Variants in EPHA6 observed in about 807,000 individuals in gnomAD.
EPHA6 encodes the protein EPH receptor A6, also known as ephrin type-A receptor 6.
In EPHA6, 50 loss-of-function variants were observed where a neutral mutation model predicts 112.0. The observed-to-expected ratio is 0.45, with a 90% CI of 0.36 to 0.56. The LOEUF (loss-of-function observed/expected upper bound fraction) is 0.56, where lower values mean the gene tolerates loss of function less well. Among genes scored for constraint, EPHA6 ranks in the 20% least tolerant of loss-of-function variants. EPHA6 has a pLI of 0.00. For synonymous variants in EPHA6, 529 were observed against 490.7 expected, an observed-to-expected ratio of 1.08 and a Z score of -1.03; for missense variants, 1,280 against 1,417.4, an observed-to-expected ratio of 0.90 and a Z score of 1.56.
At chr3:96,942,953 T>TA (rs1371074270) in intron 2 of EPHA6, among the ~76,000 whole-genome samples, 2 of 152,076 alleles carry the variant, frequency 1.3e-5, no homozygotes, top group Non-Finnish European at 2.9e-5. Flanking sequence ...CACCAGAACT[T>TA]ATTCCTCCTA....
At chr3:96,893,182 T>A (rs1458867656) in intron 2 of EPHA6, among the ~76,000 whole-genome samples, 2 of 152,202 alleles carry the variant, frequency 1.3e-5, no homozygotes, top group Admixed American at 1.3e-4. Flanking sequence ...GCTAGTCATA[T>A]AAAAGTATAG....
chr3:97,598,864 T>C (rs1485161794), intron 12 of EPHA6, among the ~76,000 whole-genome samples: 6 of 151,176 alleles, frequency 4.0e-5, no homozygotes, highest in Non-Finnish European at 5.9e-5. Flanking sequence ...ATGGTTGAAC[T>C]AGTTTACAGT....
intron 3 of EPHA6, among the ~76,000 whole-genome samples, chr3:97,193,911 C>G (rs1016745216): frequency 1.3e-5 from 2 of 151,872 alleles, no homozygotes; most frequent in African/African-American, 2.4e-5. Context: ...CGTTTTTTGT[C>G]TTTCATTCTG....
chr3:97,466,450 G>A, intron 7 of EPHA6: 1 of 1,543,764 alleles, frequency 6.5e-7, no homozygotes, highest in Non-Finnish European at 9.0e-7. Context: ...AAACTGTACT[G>A]GCTTAATGAA....
intron 6 of EPHA6, chr3:97,447,597 G>A (rs2090389135): frequency 5.8e-6 from 1 of 172,680 alleles, no homozygotes; most frequent in Non-Finnish European, 1.2e-5. Flanking sequence ...AACAGTGTAG[G>A]TTTAATTTGT....
At chr3:97,329,023 G>A (rs894861491) in intron 5 of EPHA6, among the ~76,000 whole-genome samples, 4 of 151,832 alleles carry the variant, frequency 2.6e-5, no homozygotes, top group East Asian at 3.9e-4. Flanking sequence ...GTGTCCATGT[G>A]TTCTCATTGT....
intron 14 of EPHA6, among the ~76,000 whole-genome samples, chr3:97,681,121 T>C (rs527657999): frequency 1.3e-5 from 2 of 152,178 alleles, no homozygotes; most frequent in East Asian, 3.9e-4. Flanking sequence ...TGACAATAAA[T>C]ATATGAAAAC....
At chr3:96,825,835 A>G (rs1201211005) in intron 1 of EPHA6, among the ~76,000 whole-genome samples, 2 of 151,952 alleles carry the variant, frequency 1.3e-5, no homozygotes, top group African/African-American at 4.8e-5. Flanking sequence ...TAAATTAAAC[A>G]TTTTATGGTC....
intron 5 of EPHA6, among the ~76,000 whole-genome samples, chr3:97,382,348 TTGG>T (rs2085802321): frequency 1.3e-5 from 2 of 152,070 alleles, no homozygotes; most frequent in South Asian, 4.1e-4. Context: ...TTGCTGTAAC[TTGG>T]TGTTTAGATG....
intron 2 of EPHA6, among the ~76,000 whole-genome samples, chr3:96,909,875 G>T (rs1263731904): frequency 6.6e-6 from 1 of 151,916 alleles, no homozygotes; most frequent in African/African-American, 2.4e-5. Context: ...CTTAAGCAAG[G>T]TTCTGTGTAT....
At chr3:97,533,393 T>C (rs187950501) in intron 11 of EPHA6, among the ~76,000 whole-genome samples, 3 of 152,168 alleles carry the variant, frequency 2.0e-5, no homozygotes, top group African/African-American at 7.2e-5. Context: ...ACTAAAGAGG[T>C]GCAATTGACT....
chr3:97,303,820 A>C (rs1400637708), intron 5 of EPHA6, among the ~76,000 whole-genome samples: 1 of 152,044 alleles, frequency 6.6e-6, no homozygotes, highest in East Asian at 1.9e-4. Flanking sequence ...CAAGGTTTAA[A>C]ATTTTCAGAA....
At position 97,667,971 on chromosome 3, in the gene EPHA6, A is replaced by G. The variant is rs373989316; in HGVS notation, c.2784+29889A>G. On this transcript the variant is annotated intron_variant, in intron 14 of 17. Coordinates refer to ENST00000389672, the MANE Select transcript of EPHA6 (RefSeq NM_001080448.3). ...AGAGAGAGCGCTAAATAAACTATAA[A>G]TTCCTTTGTTAATTTTTCTCACAAG... Among the ~76,000 whole-genome samples, 34 of 152,316 alleles carry G rather than the reference A, an allele frequency of 2.2e-4. No homozygotes were observed. In the South Asian group the frequency reaches 2.7e-3, roughly 12 times the overall value.
intron 11 of EPHA6, among the ~76,000 whole-genome samples, chr3:97,566,947 T>C (rs1577803057): frequency 6.6e-6 from 1 of 152,202 alleles, no homozygotes; most frequent in Admixed American, 6.5e-5. Context: ...TCAACAGGAA[T>C]GGAGGAGTAG....
At chr3:97,715,308 A>G (rs1169132258) in intron 14 of EPHA6, among the ~76,000 whole-genome samples, 1 of 152,136 alleles carries the variant, frequency 6.6e-6, no homozygotes, top group Non-Finnish European at 1.5e-5. Context: ...GAAATCTAAG[A>G]CTCCGAGGAT....
At chr3:97,646,109 G>A (rs934438562) in intron 14 of EPHA6, 22 of 1,521,562 alleles carry the variant, frequency 1.4e-5, no homozygotes, top group South Asian at 7.4e-5. Context: ...AAATGACTTT[G>A]CCAATTCAGA....
intron 3 of EPHA6, among the ~76,000 whole-genome samples, chr3:97,035,496 C>G (rs1445119041): frequency 6.6e-6 from 1 of 151,868 alleles, no homozygotes; most frequent in Non-Finnish European, 1.5e-5. Context: ...TATGCTCCTT[C>G]TAGTATTGTA....
At chr3:97,176,288 A>T (rs1334844075) in intron 3 of EPHA6, among the ~76,000 whole-genome samples, 1 of 151,846 alleles carries the variant, frequency 6.6e-6, no homozygotes, top group Non-Finnish European at 1.5e-5. Flanking sequence ...ATATTGTTGA[A>T]TTCAGTTTGC....
intron 6 of EPHA6, among the ~76,000 whole-genome samples, chr3:97,437,787 C>A: frequency 6.6e-6 from 1 of 152,034 alleles, no homozygotes; most frequent in Non-Finnish European, 1.5e-5. Context: ...CAGGTGTGAG[C>A]CACCACACCC....
Sources: gnomAD v4.1 joint callset for allele counts (sites outside exome capture counted in the v4.1 genomes callset) on GRCh38, gnomAD v4.1.1 for gene constraint, MANE v1.5 for transcripts, NCBI Gene and HGNC (gene_info 2026-07-23, HGNC 2026-07-21) for gene names.